The following PSG1 variants were observed in gnomAD, a reference collection of about 807,000 sequenced individuals.
The protein encoded by PSG1 is pregnancy-specific beta-1-glycoprotein 1.
A neutral mutation model predicts 41.4 loss-of-function variants in PSG1; 60 were observed. The observed-to-expected ratio is 1.45, with a 90% CI of 1.18 to 1.80. The LOEUF is 1.80. PSG1 is among the 40% of genes most tolerant of loss of function. The probability of loss-of-function intolerance (pLI) is 0.00; values close to 1 mark genes in which losing one functional copy is unlikely to be tolerated. For synonymous variants in PSG1, 256 were observed against 192.9 expected (o/e 1.33, Z -2.71); for missense variants, 806 against 516.9 (o/e 1.56, Z -5.42).
At position 42,869,197 on chromosome 19, in the gene PSG1, G is replaced by T; in HGVS notation, c.710-163C>A. 5 of 1,439,192 alleles carry T rather than the reference G, an allele frequency of 3.5e-6. 1 individual carries two copies. In the Admixed American group the frequency reaches 1.1e-4, roughly 33 times the overall value. 89.2% of individuals were successfully genotyped at this position (1,439,192 alleles called of 1,614,324 possible). A position where few individuals can be genotyped will look rare whatever the true frequency, so the allele number is the denominator to read the frequency against. Reference sequence around the variant, plus strand: ...AAGATAGATGCATGATGATCTAAGGGCTCAAAGACTGTGAGGCCGCCTTCT... The same window carrying T: ...AAGATAGATGCATGATGATCTAAGGTCTCAAAGACTGTGAGGCCGCCTTCT... On this transcript the variant is annotated intron_variant, in intron 3 of 5. Coordinates refer to ENST00000436291, the MANE Select transcript of PSG1 (RefSeq NM_001184825.2).
At chr19:42,867,678 A>C (rs2122484488) in intron 5 of PSG1, 1 of 778,534 alleles carries the variant, frequency 1.3e-6, no homozygotes, top group East Asian at 2.4e-5. Flanking sequence ...TGGGGCAGTC[A>C]GGTAGAAAGC....
rs935141917 is a variant in PSG1 at position 42,879,704 on chromosome 19, A to C, written c.-123T>G. On this transcript the variant is annotated 5_prime_UTR_variant, in exon 1 of 6. Transcript: ENST00000436291. ...GTGCTGAGCCTCTTCCCAGGGCAGG[A>C]GCAATTCTCAAGCTCATGGGCAGGG... 1.5e-5 allele frequency: 22 copies of C among 1,428,956 alleles called. No homozygotes were observed. The highest frequency in any genetic ancestry group is 2.0e-5 in the Non-Finnish European group (21 of 1,051,242). 88.5% of individuals were successfully genotyped at this position (1,428,956 alleles called of 1,614,324 possible). A position where few individuals can be genotyped will look rare whatever the true frequency, so the allele number is the denominator to read the frequency against.
intron 2 of PSG1, chr19:42,876,655 C>A (rs1460450029): frequency 4.5e-6 from 1 of 223,170 alleles, no homozygotes; most frequent in South Asian, 6.5e-5. Context: ...GTGACAAGGA[C>A]ACTTTGGGAA....
chr19:42,870,800 G>A lies in PSG1; in HGVS notation c.709+967C>T, dbSNP rs188741498. ...TTTCAGCAATGGTTTGTAGTTTTCA[G>A]GGTATAATCATTTGACTTTTTTGGT... is the stretch of plus-strand genomic sequence containing the variant. On this transcript the variant is annotated intron_variant, in intron 3 of 5. Transcript: ENST00000436291. Among the ~76,000 whole-genome samples, 622 of 151,698 alleles carry A rather than the reference G, an allele frequency of 4.1e-3. 9 individuals carry two copies. Among genetic ancestry groups the A allele is most frequent in the African/African-American group, 0.014 (588 of 41,304 alleles).
chr19:42,872,863 G>C (rs1971452914), intron 2 of PSG1, among the ~76,000 whole-genome samples: 1 of 151,866 alleles, frequency 6.6e-6, no homozygotes, highest in African/African-American at 2.4e-5. Flanking sequence ...ATGCAGAACT[G>C]ACTGGTGGAA....
In PSG1 at chr19:42,868,972, A is replaced by T; in HGVS notation, c.772T>A (p.Leu258Ile). 6.2e-7 allele frequency: 1 copy of T among 1,610,626 alleles called. No homozygotes were observed. The highest frequency in any genetic ancestry group is 8.5e-7 in the Non-Finnish European group (1 of 1,179,074). Residue 258 changes from leucine to isoleucine, a missense_variant, in exon 4 of 6, where the codon TTA becomes ATA. By Grantham distance (5) the Leu-to-Ile change is conservative. Coordinates refer to ENST00000436291, the MANE Select transcript of PSG1 (RefSeq NM_001184825.2). ...NLNPRENKDV[L>I]NFTCEPKSEN... ...CTCTTAGGTTCACAGGTGAAGTTTAAGACATCCTTATTCTCCCTGGGGTTT... is the reference window on the plus strand; with the variant it reads ...CTCTTAGGTTCACAGGTGAAGTTTATGACATCCTTATTCTCCCTGGGGTTT...
chr19:42,875,401 T>C (rs949923045), intron 2 of PSG1, among the ~76,000 whole-genome samples: 8 of 151,748 alleles, frequency 5.3e-5, no homozygotes, highest in Admixed American at 5.3e-4. Flanking sequence ...TCCAGTGTCA[T>C]TGGGACAGGG....
intron 3 of PSG1, 67 bp downstream of exon 3, chr19:42,871,700 G>A (rs567398624): frequency 1.9e-6 from 3 of 1,612,362 alleles, no homozygotes; most frequent in South Asian, 2.2e-5. Context: ...GGGACAGAGA[G>A]GCCTGGCCTC....
rs2074851 is a variant in PSG1, at chr19:42,872,235, C to T, written c.431-190G>A. 7.9e-5 allele frequency among the ~76,000 whole-genome samples: 12 copies of T among 151,686 alleles called. 1 individual carries two copies. The South Asian group carries it at 1.3e-3, about 16-fold the overall frequency. ...TCAGAGATTGTGAGGCTGCCTGCTTCATGTGGGAGAAGCACAGACTTTCTC... is the reference window on the plus strand; with the variant it reads ...TCAGAGATTGTGAGGCTGCCTGCTTTATGTGGGAGAAGCACAGACTTTCTC... On this transcript the variant is annotated intron_variant, in intron 2 of 5. Transcript: ENST00000436291.
At chr19:42,878,346 G>C (rs540693689) in intron 1 of PSG1, 68 bp from the exon 2 acceptor site, 23 of 1,534,234 alleles carry the variant, frequency 1.5e-5, no homozygotes, top group Non-Finnish European at 1.8e-5. Flanking sequence ...TGGGGCCCTG[G>C]GTCCTGAGAA....
chr19:42,875,625 C>A (rs1322962488), intron 2 of PSG1, among the ~76,000 whole-genome samples: 1 of 151,382 alleles, frequency 6.6e-6, no homozygotes, highest in East Asian at 1.9e-4. Context: ...ATGATTCCAT[C>A]ACCAAACAAT....
In PSG1 at chr19:42,878,385, A is replaced by C. The variant is rs1164842407; in HGVS notation, c.65-107T>G. The stretch of plus-strand genomic sequence containing the variant: ...CTCTTCAGTCCTCAGCCTTGACAAC[A>C]CAGACACACACACACATACAAACAC... On this transcript the variant is annotated intron_variant, in intron 1 of 5. Transcript: ENST00000436291. The C allele has an allele frequency of 9.2e-6, 13 of 1,408,764 alleles. No individual in the cohort carries two copies. The Admixed American group carries it at 2.8e-4, about 30-fold the overall frequency. The allele number at this position is 1,408,764 out of a possible 1,614,324, so 87.3% of individuals were successfully genotyped here.
intron 1 of PSG1, among the ~76,000 whole-genome samples, chr19:42,879,078 G>T (rs976624869): frequency 6.6e-6 from 1 of 151,268 alleles, no homozygotes. Flanking sequence ...CGACTTTCCT[G>T]TTTTGACCCC....
At chr19:42,879,484 C>T (rs753609725) in intron 1 of PSG1, 34 bp downstream of exon 1, 13 of 1,605,812 alleles carry the variant, frequency 8.1e-6, no homozygotes, top group African/African-American at 5.4e-5. Context: ...TCTGCTTCCT[C>T]CTCCTGTCCT....
chr19:42,877,646 G>T (rs10414706), intron 2 of PSG1, among the ~76,000 whole-genome samples: 20,965 of 151,518 alleles, frequency 0.14, 2,208 homozygotes, highest in East Asian at 0.41. Context: ...GAGGTGCTTG[G>T]CTGAGACTGA....
rs545166299 is a variant in PSG1 at position 42,875,692 on chromosome 19, G to A, written c.430+2221C>T. On this transcript the variant is annotated intron_variant, in intron 2 of 5. Transcript: ENST00000436291. ...TGAAACTATCCTTGAAAATCTCTAA[G>A]CCCTGATCCACTGGGGAGGCTGATT... Among the ~76,000 whole-genome samples, 4 of 151,656 alleles carry A rather than the reference G, an allele frequency of 2.6e-5. No homozygotes were observed. The East Asian group carries it at 5.8e-4, about 22-fold the overall frequency.
At position 42,867,118 on chromosome 19, in the gene PSG1, G is replaced by C. The variant is rs751915207; in HGVS notation, c.*16C>G. On this transcript the variant is annotated 3_prime_UTR_variant, in exon 6 of 6. Coordinates refer to ENST00000436291, the MANE Select transcript of PSG1 (RefSeq NM_001184825.2). ...GATTCCATGGGAGAAAATGGAATTG[G>C]AGGTACTAGTAGAATTCAGGGAACT... The C allele has an allele frequency of 5.2e-6, 4 of 772,258 alleles. No individual in the cohort carries two copies. Among genetic ancestry groups the C allele is most frequent in the Non-Finnish European group, 9.6e-6 (4 of 417,554 alleles). 47.8% of individuals were successfully genotyped at this position (772,258 alleles called of 1,614,324 possible).
intron 2 of PSG1, among the ~76,000 whole-genome samples, chr19:42,874,428 G>A (rs10425787): frequency 0.031 from 4,760 of 151,442 alleles, 301 homozygotes; most frequent in African/African-American, 0.11. Context: ...CTCACTGCAA[G>A]CTCTGCCTCC....
intron 4 of PSG1, 98 bp downstream of exon 4, chr19:42,868,658 T>A (rs1971243492): frequency 6.4e-7 from 1 of 1,571,268 alleles, no homozygotes; most frequent in African/African-American, 1.4e-5. Flanking sequence ...GAAGTAAAGG[T>A]GTCTATACTT....
Sources: allele counts gnomAD v4.1 joint callset (sites outside exome capture counted in the v4.1 genomes callset), GRCh38; gene constraint gnomAD v4.1.1; transcripts MANE v1.5; gene names NCBI Gene and HGNC (gene_info 2026-07-23, HGNC 2026-07-21).